CTTNBP2: variants seen among roughly 807,000 people sequenced by gnomAD.
CTTNBP2 encodes the protein cortactin binding protein 2, also known as cortactin-binding protein 2.
Under a neutral mutation model 156.9 loss-of-function variants are expected in CTTNBP2, and 108 were observed. That is an observed-to-expected ratio of 0.69 (90% CI 0.59 to 0.81). The LOEUF is 0.81. CTTNBP2 is among the 30% of genes least tolerant of loss of function. CTTNBP2 has a pLI of 0.00. For missense variants in CTTNBP2, 1,924 were observed against 2,035.4 expected, an observed-to-expected ratio of 0.95 and a Z score of 1.05; for synonymous variants, 767 against 751.8, an observed-to-expected ratio of 1.02 and a Z score of -0.33.
chr7:117,791,950 C>T lies in CTTNBP2; in HGVS notation c.1246G>A (p.Ala416Thr), dbSNP rs1799048262. The T allele has an allele frequency of 1.2e-6, 2 of 1,614,090 alleles. No homozygotes were observed. Among genetic ancestry groups the T allele is most frequent in the African/African-American group, 2.7e-5 (2 of 75,022 alleles). ...GGTGGAGCTTGCGAGTTCTGAGGAG[C>T]TATGCCTGGTGTTTGAGCGGTGGGA... ...APPTAQTPGI[A>T]PQNSQAPPMH... The change falls in exon 4 of 23, where the codon GCT becomes ACT. Residue 416 changes from alanine (A) to threonine (T), a missense_variant. Physicochemically the swap from Ala to Thr is moderately conservative, Grantham distance 58. Transcript: ENST00000160373.
At chr7:117,721,188 G>A in intron 19 of CTTNBP2, 58 bp from the exon 20 acceptor site, 1 of 1,012,080 alleles carries the variant, frequency 9.9e-7, no homozygotes, top group Admixed American at 1.8e-5. Context: ...CTTGAATTCT[G>A]TATTTAAAAG....
At chr7:117,863,323 G>A (rs986062314) in intron 1 of CTTNBP2, among the ~76,000 whole-genome samples, 1 of 152,208 alleles carries the variant, frequency 6.6e-6, no homozygotes, top group African/African-American at 2.4e-5. Flanking sequence ...ATCATGTATA[G>A]TTCTGAAGAA....
intron 22 of CTTNBP2, among the ~76,000 whole-genome samples, chr7:117,713,228 T>C (rs1228570366): frequency 2.6e-5 from 4 of 152,114 alleles, no homozygotes; most frequent in Non-Finnish European, 2.9e-5. Flanking sequence ...TCCTAAATGG[T>C]AGCATTTTTC....
Position 117,724,632 on chromosome 7 carries a change from G to T in CTTNBP2, c.4362C>A (p.Ala1454=). ...GAGGACTGGTGTTCACCTTTCTCCA[G>T]GCACCACTCTCTCCTTTCTTCTTGT... ...TCNKKKGESG[A]WRKVNTSPRR... is the part of the protein sequence containing the mutation. Residue 1454 remains alanine, a synonymous_variant, in exon 19 of 23, where the codon GCC becomes GCA. Transcript: ENST00000160373. The T allele has an allele frequency of 1.2e-6, 2 of 1,614,070 alleles. No homozygotes were observed. Among genetic ancestry groups the T allele is most frequent in the East Asian group, 4.5e-5 (2 of 44,864 alleles).
intron 22 of CTTNBP2, among the ~76,000 whole-genome samples, chr7:117,712,064 A>G (rs1794091603): frequency 6.6e-6 from 1 of 152,214 alleles, no homozygotes; most frequent in African/African-American, 2.4e-5. Flanking sequence ...AACTTCACAA[A>G]ATTACAGGCA....
intron 14 of CTTNBP2, among the ~76,000 whole-genome samples, chr7:117,736,889 G>C (rs1795735791): frequency 6.6e-6 from 1 of 152,156 alleles, no homozygotes; most frequent in Non-Finnish European, 1.5e-5. Context: ...GGATACTTGA[G>C]AGTAACATTA....
chr7:117,730,831 C>G (rs1187244997), intron 16 of CTTNBP2, among the ~76,000 whole-genome samples: 1 of 151,064 alleles, frequency 6.6e-6, no homozygotes, highest in Admixed American at 6.6e-5. Context: ...GGGATGGGGA[C>G]AGGGGGTATA....
chr7:117,805,808 T>C (rs1369433514), intron 3 of CTTNBP2, among the ~76,000 whole-genome samples: 1 of 152,224 alleles, frequency 6.6e-6, no homozygotes, highest in East Asian at 1.9e-4. Flanking sequence ...ATCTTGGTAT[T>C]AATTTGTTCA....
At chr7:117,752,787 T>G (rs1262903810) in intron 12 of CTTNBP2, among the ~76,000 whole-genome samples, 1 of 152,250 alleles carries the variant, frequency 6.6e-6, no homozygotes, top group Non-Finnish European at 1.5e-5. Context: ...ACTTAATTGC[T>G]GAAGACGCTG....
rs115288736 is a variant in CTTNBP2 at position 117,779,305 on chromosome 7, A to T, written c.2523+1136T>A. On this transcript the variant is annotated intron_variant, in intron 7 of 22. Transcript: ENST00000160373. ...CCATGCAACCACTTCTGGAAAAAAA[A>T]TTTTCTATTTTCTATCCTCTTTTGA... Among the ~76,000 whole-genome samples the T allele has an allele frequency of 7.6e-3, 1,153 of 152,182 alleles. 19 individuals are homozygous for T. The highest frequency in any genetic ancestry group is 0.026 in the African/African-American group (1,092 of 41,516).
In CTTNBP2 at chr7:117,792,551, A is replaced by C; in HGVS notation, c.645T>G (p.Ala215=). 5.6e-6 allele frequency: 9 copies of C among 1,614,152 alleles called. No homozygotes were observed. The highest frequency in any genetic ancestry group is 7.6e-6 in the Non-Finnish European group (9 of 1,180,026). The change falls in exon 4 of 23, where the codon GCT becomes GCG. Residue 215 remains alanine, a synonymous_variant. Coordinates refer to ENST00000160373, the MANE Select transcript of CTTNBP2 (RefSeq NM_033427.3). This position sits in a 1 kb window ranked among gnomAD's most constrained non-coding sequence, Gnocchi z 4.2. ...KTNELEEELS[A]EKRRSTEMEA... ...CCATTTCTGTGCTTCTTCGTTTCTC[A>C]GCGGAGAGTTCCTCTTCTAATTCAT...
chr7:117,802,450 AAAAAAAACAAAAAC>A, intron 3 of CTTNBP2, among the ~76,000 whole-genome samples: 1 of 142,794 alleles, frequency 7.0e-6, no homozygotes, highest in Non-Finnish European at 1.5e-5. Flanking sequence ...AAAAAAAAAA[AAAAAAAACAAAAAC>A]AAACAAACAA....
chr7:117,853,749 G>A (rs1584555143), intron 2 of CTTNBP2, among the ~76,000 whole-genome samples: 1 of 152,082 alleles, frequency 6.6e-6, no homozygotes, highest in Non-Finnish European at 1.5e-5. Flanking sequence ...ATTGAGCTGC[G>A]AAAAGCCTCA....
intron 2 of CTTNBP2, among the ~76,000 whole-genome samples, chr7:117,831,916 G>A (rs1028657326): frequency 1.6e-4 from 24 of 152,158 alleles, no homozygotes; most frequent in African/African-American, 5.3e-4. Context: ...TATCTGTGCT[G>A]CCTTCTCCAC....
intron 2 of CTTNBP2, among the ~76,000 whole-genome samples, chr7:117,814,429 C>T (rs981982597): frequency 2.0e-5 from 3 of 151,878 alleles, no homozygotes; most frequent in Admixed American, 2.0e-4. Context: ...ATAAAACTGC[C>T]TATTTATTTA....
rs567684885 is a variant in CTTNBP2 at position 117,812,126 on chromosome 7, C to T, written c.190-1137G>A. Among the ~76,000 whole-genome samples the T allele has an allele frequency of 8.6e-5, 13 of 151,974 alleles. No homozygotes were observed. In the East Asian group the frequency reaches 9.7e-4, roughly 11 times the overall value. On this transcript the variant is annotated intron_variant, in intron 2 of 22. Coordinates refer to ENST00000160373, the MANE Select transcript of CTTNBP2 (RefSeq NM_033427.3). The stretch of plus-strand genomic sequence containing the variant: ...TATACTCTAAATGTCAGTCCATCAG[C>T]GACAAAGTTAATTTCACACCCACGC...
At chr7:117,810,667 G>T in intron 3 of CTTNBP2, 98 bp downstream of exon 3, 1 of 938,134 alleles carries the variant, frequency 1.1e-6, no homozygotes, top group Non-Finnish European at 1.7e-6. Context: ...TTGCAATCCT[G>T]TCTGAAAATA....
At chr7:117,847,819 C>CTTTTTTTTTTTTTTTTTTT (rs201419286) in intron 2 of CTTNBP2, among the ~76,000 whole-genome samples, 8 of 91,358 alleles carry the variant, frequency 8.8e-5, no homozygotes, top group African/African-American at 3.8e-4. Context: ...TTTGCCTAAC[C>CTTTTTTTTTTTTTTTTTTT]TTTTTTTTTT....
At chr7:117,774,980 G>C (rs926874236) in intron 8 of CTTNBP2, among the ~76,000 whole-genome samples, 27 of 152,082 alleles carry the variant, frequency 1.8e-4, no homozygotes, top group Admixed American at 5.9e-4. Flanking sequence ...ATCTCAGCCA[G>C]AATATAAATA....
Sources: allele counts gnomAD v4.1 joint callset (sites outside exome capture counted in the v4.1 genomes callset), GRCh38; gene constraint gnomAD v4.1.1; non-coding constraint Gnocchi (gnomAD v3.1); transcripts MANE v1.5; gene names NCBI Gene and HGNC (gene_info 2026-07-23, HGNC 2026-07-21).